PDSS1: variants seen among roughly 807,000 people sequenced by gnomAD.
PDSS1 encodes the protein decaprenyl diphosphate synthase subunit 1, also known as all trans-polyprenyl-diphosphate synthase PDSS1.
Under a neutral mutation model 57.5 loss-of-function variants are expected in PDSS1, and 43 were observed. The ratio of observed to expected loss-of-function variants is 0.75; its 90% CI spans 0.59 to 0.96. PDSS1 has a LOEUF of 0.96. Among genes scored for constraint, PDSS1 ranks in the 50% least tolerant of loss-of-function variants. The pLI is 0.00. For synonymous variants in PDSS1, 175 were observed against 191.3 expected (o/e 0.91, Z 0.70); for missense variants, 438 against 527.8 (o/e 0.83, Z 1.67).
intron 5 of PDSS1, chr10:26,714,794 G>A (rs762269031): frequency 2.6e-5 from 4 of 152,214 alleles, no homozygotes; most frequent in Non-Finnish European, 5.9e-5. Context: ...CATTAGTCCA[G>A]TTTTCAAAGC....
rs759224454 is a variant in PDSS1 at position 26,724,093 on chromosome 10, C to T, written c.801C>T (p.Thr267=). The T allele has an allele frequency of 6.2e-6, 10 of 1,613,002 alleles. No homozygotes were observed. The highest frequency in any genetic ancestry group is 4.0e-5 in the African/African-American group (3 of 74,862). The change falls in exon 8 of 12, where the codon ACC becomes ACT. Residue 267 remains threonine, a synonymous_variant. Coordinates refer to ENST00000376215, the MANE Select transcript of PDSS1 (RefSeq NM_014317.5). ...AHYLEKTFKK[T]ASLIANSCKA... is the part of the protein sequence containing the mutation. ...ACCTTGAGAAGACATTCAAGAAGAC[C>T]GCCAGCCTGATAGCCAACAGTTGTA...
intron 6 of PDSS1, among the ~76,000 whole-genome samples, chr10:26,722,723 T>A (rs1450559696): frequency 6.6e-6 from 1 of 151,538 alleles, no homozygotes; most frequent in Non-Finnish European, 1.5e-5. Context: ...AAAAAGAATG[T>A]AATATATATC....
intron 1 of PDSS1, among the ~76,000 whole-genome samples, chr10:26,700,429 C>A (rs867574702): frequency 2.6e-5 from 4 of 152,112 alleles, no homozygotes; most frequent in South Asian, 2.1e-4. Flanking sequence ...CTTAGTGAGA[C>A]CTCCTGATAT....
At chr10:26,714,034 C>G (rs1474876717) in intron 5 of PDSS1, among the ~76,000 whole-genome samples, 1 of 152,186 alleles carries the variant, frequency 6.6e-6, no homozygotes, top group Admixed American at 6.5e-5. Flanking sequence ...CTCCCCCTCC[C>G]TCAGGTGTCA....
At chr10:26,718,656 G>T (rs1024183710) in intron 5 of PDSS1, 2 of 151,586 alleles carry the variant, frequency 1.3e-5, no homozygotes, top group African/African-American at 4.9e-5. Context: ...AGCTACTTGG[G>T]AGGCTAAGGC....
At chr10:26,723,751 C>T in intron 6 of PDSS1, 55 bp from the exon 7 acceptor site, 3 of 1,200,214 alleles carry the variant, frequency 2.5e-6, no homozygotes, top group Non-Finnish European at 3.7e-6. Flanking sequence ...ATCATTGGCT[C>T]TACTGCTCTG....
chr10:26,720,328 A>G lies in PDSS1; in HGVS notation c.578A>G (p.His193Arg). ...IDDASSRRGK[H>R]TVNKIWGEKK... The stretch of plus-strand genomic sequence containing the variant: ...GATGCAAGTTCTCGAAGAGGAAAAC[A>G]CACAGTTAATAAGATCTGGGGTGAA... The change falls in exon 6 of 12, where the codon CAC becomes CGC. Residue 193 changes from histidine to arginine, a missense_variant. Physicochemically the swap from His to Arg is conservative, Grantham distance 29. This residue lies in a region of PDSS1 where 284 missense variants were observed against 390.7 expected (regional missense o/e 0.73). Coordinates refer to ENST00000376215, the MANE Select transcript of PDSS1 (RefSeq NM_014317.5). The G allele has an allele frequency of 6.2e-7, 1 of 1,613,756 alleles. No homozygotes were observed. The highest frequency in any genetic ancestry group is 8.5e-7 in the Non-Finnish European group (1 of 1,179,598).
chr10:26,745,905 G>A (rs1836857017), intron 11 of PDSS1, among the ~76,000 whole-genome samples: 1 of 151,798 alleles, frequency 6.6e-6, no homozygotes, highest in South Asian at 2.1e-4. Context: ...TTGGAAGAAA[G>A]GAAGCTGATT....
intron 10 of PDSS1, chr10:26,740,912 T>C (rs1836576256): frequency 3.3e-6 from 1 of 300,598 alleles, no homozygotes; most frequent in African/African-American, 2.2e-5. Flanking sequence ...TCTAAATAGT[T>C]GCTAAGTATT....
At chr10:26,736,112 G>A (rs555828349) in intron 10 of PDSS1, among the ~76,000 whole-genome samples, 5 of 152,298 alleles carry the variant, frequency 3.3e-5, no homozygotes, top group Admixed American at 3.3e-4. Context: ...GGAAGTCAGT[G>A]GAGTGCAGTA....
At chr10:26,699,468 C>T (rs1834977161) in intron 1 of PDSS1, among the ~76,000 whole-genome samples, 1 of 150,936 alleles carries the variant, frequency 6.6e-6, no homozygotes, top group Admixed American at 6.6e-5. Context: ...AATCTCGGCT[C>T]ACTGCAAACT....
At chr10:26,727,329 T>TCC (rs1320991361) in intron 8 of PDSS1, among the ~76,000 whole-genome samples, 2 of 121,114 alleles carry the variant, frequency 1.7e-5, no homozygotes, top group African/African-American at 6.2e-5. Flanking sequence ...TGTTTCTCTC[T>TCC]CTCTCTCTCT....
intron 10 of PDSS1, among the ~76,000 whole-genome samples, chr10:26,740,017 C>T (rs909283140): frequency 2.6e-5 from 4 of 152,144 alleles, no homozygotes; most frequent in African/African-American, 9.6e-5. Context: ...TGGCTTGCGC[C>T]TGTAGTCCCA....
intron 10 of PDSS1, among the ~76,000 whole-genome samples, chr10:26,738,188 G>T (rs3781103): frequency 1.3e-5 from 2 of 152,172 alleles, no homozygotes; most frequent in Non-Finnish European, 2.9e-5. Flanking sequence ...CAAAAATAAC[G>T]TAAGAATATG....
At chr10:26,716,870 A>G (rs1411325183) in intron 5 of PDSS1, among the ~76,000 whole-genome samples, 1 of 152,088 alleles carries the variant, frequency 6.6e-6, no homozygotes, top group East Asian at 1.9e-4. Flanking sequence ...TCCTGGGAAA[A>G]TGTGATCCAC....
chr10:26,708,002 G>A (rs150215954), intron 4 of PDSS1, among the ~76,000 whole-genome samples: 6 of 152,192 alleles, frequency 3.9e-5, no homozygotes, highest in South Asian at 2.1e-4. Context: ...CCTTTCATTC[G>A]TGCTCTTCTC....
At chr10:26,707,079 C>T (rs1835253649) in intron 4 of PDSS1, among the ~76,000 whole-genome samples, 1 of 152,142 alleles carries the variant, frequency 6.6e-6, no homozygotes, top group African/African-American at 2.4e-5. Flanking sequence ...ATCCCGTCTC[C>T]CCGGATTCTT....
chr10:26,725,556 G>A (rs1242169991), intron 8 of PDSS1, among the ~76,000 whole-genome samples: 3 of 151,870 alleles, frequency 2.0e-5, no homozygotes, highest in African/African-American at 4.8e-5. Context: ...GTATAGACAC[G>A]AGATGCTAAA....
intron 6 of PDSS1, 75 bp from the exon 7 acceptor site, chr10:26,723,731 A>G (rs929520314): frequency 2.0e-6 from 2 of 990,626 alleles, no homozygotes; most frequent in Admixed American, 1.7e-5. Context: ...GCTCCCTTCC[A>G]GTCAGTTTCA....
Sources: gnomAD v4.1 joint callset for allele counts (sites outside exome capture counted in the v4.1 genomes callset) on GRCh38, gnomAD v4.1.1 for gene constraint, gnomAD v4.1.1 regional missense constraint, MANE v1.5 for transcripts, NCBI Gene and HGNC (gene_info 2026-07-23, HGNC 2026-07-21) for gene names.